The following MLLT3 variants were observed in gnomAD, a reference collection of about 807,000 sequenced individuals.
MLLT3 encodes the protein MLLT3 super elongation complex subunit.
In MLLT3, 4 loss-of-function variants were observed where a neutral mutation model predicts 53.2. That is an observed-to-expected ratio of 0.08 (90% CI 0.04 to 0.17). The LOEUF (loss-of-function observed/expected upper bound fraction) is 0.17. Among genes scored for constraint, MLLT3 ranks in the 10% least tolerant of loss-of-function variants. The pLI, the probability that MLLT3 is intolerant of heterozygous loss-of-function variation, is 1.00. For synonymous variants in MLLT3, 283 were observed against 230.6 expected, an observed-to-expected ratio of 1.23 and a Z score of -2.06; for missense variants, 569 against 684.0, an observed-to-expected ratio of 0.83 and a Z score of 1.87.
At chr9:20,546,616 C>G (rs1003508213) in intron 2 of MLLT3, among the ~76,000 whole-genome samples, 2 of 151,830 alleles carry the variant, frequency 1.3e-5, no homozygotes, top group Non-Finnish European at 2.9e-5. Flanking sequence ...ACAGTGATAA[C>G]TTAAGCATAC....
At chr9:20,419,565 C>T (rs547184398) in intron 4 of MLLT3, among the ~76,000 whole-genome samples, 1 of 150,668 alleles carries the variant, frequency 6.6e-6, no homozygotes, top group East Asian at 1.9e-4. Context: ...GACAAGTATC[C>T]AGAAAGAATA....
chr9:20,449,821 G>A, intron 3 of MLLT3, among the ~76,000 whole-genome samples: 1 of 151,998 alleles, frequency 6.6e-6, no homozygotes, highest in African/African-American at 2.4e-5. Context: ...ATAGTTTACT[G>A]GCTATTCCTT....
chr9:20,522,934 C>T (rs541373092), intron 2 of MLLT3, among the ~76,000 whole-genome samples: 1 of 151,884 alleles, frequency 6.6e-6, no homozygotes, highest in East Asian at 1.9e-4. Flanking sequence ...TGCACTCCAG[C>T]CTGGGCAACA....
chr9:20,435,014 A>C (rs78869602), intron 4 of MLLT3, among the ~76,000 whole-genome samples: 1 of 151,358 alleles, frequency 6.6e-6, no homozygotes, highest in African/African-American at 2.4e-5. Flanking sequence ...CAGCATTCTT[A>C]AAAAAAAATG....
chr9:20,356,673 T>C (rs1478297484), intron 8 of MLLT3, among the ~76,000 whole-genome samples: 2 of 152,206 alleles, frequency 1.3e-5, no homozygotes, highest in Non-Finnish European at 2.9e-5. Flanking sequence ...TCCTGTACTC[T>C]GGGTGTTGAA....
chr9:20,616,078 T>C (rs1820827633), intron 2 of MLLT3, among the ~76,000 whole-genome samples: 1 of 152,088 alleles, frequency 6.6e-6, no homozygotes, highest in South Asian at 2.1e-4. Context: ...ACAAAAAAAC[T>C]CTATGCGTTC....
At chr9:20,605,132 T>C (rs1047570149) in intron 2 of MLLT3, among the ~76,000 whole-genome samples, 4 of 152,108 alleles carry the variant, frequency 2.6e-5, no homozygotes, top group Admixed American at 2.6e-4. Flanking sequence ...GCAGGATTTA[T>C]ACCATTTTAT....
chr9:20,385,721 T>C (rs983305535), intron 5 of MLLT3, among the ~76,000 whole-genome samples: 2 of 152,078 alleles, frequency 1.3e-5, no homozygotes, highest in Non-Finnish European at 2.9e-5. Context: ...TAGTGCCCAA[T>C]GGGGTGGGGT....
chr9:20,571,216 C>T (rs962063578), intron 2 of MLLT3, among the ~76,000 whole-genome samples: 1 of 152,174 alleles, frequency 6.6e-6, no homozygotes, highest in Non-Finnish European at 1.5e-5. Flanking sequence ...AACTTTCCAA[C>T]AAAAACCTTT....
chr9:20,504,854 T>C (rs1825346150), intron 2 of MLLT3, among the ~76,000 whole-genome samples: 1 of 152,148 alleles, frequency 6.6e-6, no homozygotes, highest in African/African-American at 2.4e-5. Context: ...ATATGTATAA[T>C]TTTTATTTTT....
chr9:20,425,305 G>A (rs1389292865), intron 4 of MLLT3, among the ~76,000 whole-genome samples: 1 of 152,086 alleles, frequency 6.6e-6, no homozygotes, highest in Non-Finnish European at 1.5e-5. Flanking sequence ...AGGAAACTCT[G>A]GACATTCACC....
intron 2 of MLLT3, among the ~76,000 whole-genome samples, chr9:20,522,150 A>C (rs1818078543): frequency 6.6e-6 from 1 of 152,034 alleles, no homozygotes; most frequent in Non-Finnish European, 1.5e-5. Flanking sequence ...AAAGATTCCC[A>C]CTACCAGCAC....
chr9:20,541,312 A>G (rs989529230), intron 2 of MLLT3, among the ~76,000 whole-genome samples: 1 of 152,052 alleles, frequency 6.6e-6, no homozygotes, highest in Non-Finnish European at 1.5e-5. Flanking sequence ...TTACTTCCAC[A>G]TTTTCAGGTA....
intron 5 of MLLT3, among the ~76,000 whole-genome samples, chr9:20,386,990 A>C (rs921917316): frequency 2.0e-5 from 3 of 152,182 alleles, no homozygotes; most frequent in Non-Finnish European, 2.9e-5. Flanking sequence ...TTTGTGTGTA[A>C]GTTATCTAAA....
intron 4 of MLLT3, among the ~76,000 whole-genome samples, chr9:20,431,524 AAG>A (rs1441254550): frequency 6.6e-6 from 1 of 152,176 alleles, no homozygotes; most frequent in Non-Finnish European, 1.5e-5. Flanking sequence ...AGTAAAGGTT[AAG>A]CATGGTTTAT....
chr9:20,535,477 C>A (rs143463146), intron 2 of MLLT3, among the ~76,000 whole-genome samples: 3 of 152,118 alleles, frequency 2.0e-5, no homozygotes, highest in African/African-American at 7.2e-5. Context: ...GAGGCCACAG[C>A]CAGCAAGCCT....
chr9:20,390,871 G>A (rs540309475), intron 5 of MLLT3, among the ~76,000 whole-genome samples: 11 of 152,260 alleles, frequency 7.2e-5, no homozygotes, highest in Admixed American at 5.2e-4. Flanking sequence ...CCAGCTACTC[G>A]GGAGGCGGAA....
At chr9:20,518,454 T>C (rs12682679) in intron 2 of MLLT3, among the ~76,000 whole-genome samples, 5,981 of 152,174 alleles carry the variant, frequency 0.039, 299 homozygotes, top group East Asian at 0.16. Context: ...CATGAGAACA[T>C]TACAGTGGTA....
chr9:20,367,710 G>C (rs1373636297), intron 5 of MLLT3, among the ~76,000 whole-genome samples: 2 of 152,058 alleles, frequency 1.3e-5, no homozygotes, highest in African/African-American at 4.8e-5. Flanking sequence ...CTATATATTT[G>C]AGAATATTTG....
Sources: gnomAD v4.1 joint callset for allele counts (sites outside exome capture counted in the v4.1 genomes callset) on GRCh38, gnomAD v4.1.1 for gene constraint, MANE v1.5 for transcripts, NCBI Gene and HGNC (gene_info 2026-07-23, HGNC 2026-07-21) for gene names.